The following PAK2 variants were observed in gnomAD, a reference collection of about 807,000 sequenced individuals.
PAK2 encodes the protein p21 (RAC1) activated kinase 2.
PAK2 carries 21 observed loss-of-function variants against 65.9 expected under a neutral mutation model. The ratio of observed to expected loss-of-function variants is 0.32; its 90% CI spans 0.23 to 0.46. PAK2 has a LOEUF of 0.46. PAK2 is among the 20% of genes least tolerant of loss of function. The probability of loss-of-function intolerance (pLI) is 1.00; values close to 1 mark genes in which losing one functional copy is unlikely to be tolerated. For synonymous variants in PAK2, 204 were observed against 219.7 expected (o/e 0.93, Z 0.63); for missense variants, 324 against 642.6 (o/e 0.50, Z 5.36).
chr3:196,773,230 G>T (rs948792334), intron 1 of PAK2, among the ~76,000 whole-genome samples: 47 of 152,190 alleles, frequency 3.1e-4, no homozygotes, highest in African/African-American at 1.1e-3. Context: ...TGTTTGAACA[G>T]ATTTAGAGAG....
At chr3:196,815,883 C>G (rs993635671) in intron 11 of PAK2, among the ~76,000 whole-genome samples, 4 of 152,034 alleles carry the variant, frequency 2.6e-5, no homozygotes, top group Admixed American at 1.3e-4. Context: ...ATCAATAAGT[C>G]TGTGCCTGGC....
At chr3:196,769,647 T>TA (rs142503719) in intron 1 of PAK2, among the ~76,000 whole-genome samples, 71,254 of 147,162 alleles carry the variant, frequency 0.48, 17,505 homozygotes, top group Non-Finnish European at 0.53. Flanking sequence ...CCGTCTCTCC[T>TA]AAAAAAAAAA....
intron 1 of PAK2, among the ~76,000 whole-genome samples, chr3:196,770,842 C>G (rs930565269): frequency 6.6e-6 from 1 of 152,006 alleles, no homozygotes; most frequent in East Asian, 1.9e-4. Flanking sequence ...AGGCTGGTCT[C>G]AAACTCCTGA....
At chr3:196,823,459 C>T (rs1305154129) in intron 13 of PAK2, among the ~76,000 whole-genome samples, 3 of 152,066 alleles carry the variant, frequency 2.0e-5, no homozygotes, top group Admixed American at 2.0e-4. Context: ...CAGCGCCAAG[C>T]TCCTATCAGC....
At chr3:196,756,713 G>A (rs554438543) in intron 1 of PAK2, among the ~76,000 whole-genome samples, 4 of 152,182 alleles carry the variant, frequency 2.6e-5, no homozygotes, top group African/African-American at 9.7e-5. Flanking sequence ...GCACGCGCCT[G>A]TAGTCCCAGC....
rs3042835 is a variant in PAK2 at position 196,820,350 on chromosome 3, C to CTGTTTTGTTT, written c.1154-12_1154-3dup. The CTGTTTTGTTT allele has an allele frequency of 1.3e-6, 2 of 1,493,536 alleles. No homozygotes were observed. The highest frequency in any genetic ancestry group is 2.4e-5 in the East Asian group (1 of 41,632). The allele number at this position is 1,493,536 out of a possible 1,614,324, so 92.5% of individuals were successfully genotyped here. A position where few individuals can be genotyped will look rare whatever the true frequency, so the allele number is the denominator to read the frequency against. ...AAACCATCCATGGAAGCCATTAACT[C>CTGTTTTGTTT]TGTTTTGTTTTGTTTTGTAGCTGAC... On this transcript the variant is annotated intron_variant, in intron 12 of 14. Coordinates refer to ENST00000327134, the MANE Select transcript of PAK2 (RefSeq NM_002577.4). This position sits in a 1 kb window ranked among gnomAD's most constrained non-coding sequence, Gnocchi z 4.6.
At chr3:196,781,784 G>T (rs760552382) in intron 1 of PAK2, among the ~76,000 whole-genome samples, 1 of 151,926 alleles carries the variant, frequency 6.6e-6, no homozygotes, top group Non-Finnish European at 1.5e-5. Context: ...CCTGGGCAAC[G>T]TAGTGAAACC....
intron 2 of PAK2, chr3:196,785,092 T>A (rs1475351745): frequency 1.3e-5 from 2 of 152,268 alleles, no homozygotes; most frequent in Admixed American, 6.5e-5. Flanking sequence ...AGCACTGTTT[T>A]TAATTTTTTA....
chr3:196,793,660 TAC>T (rs769618339), intron 2 of PAK2, among the ~76,000 whole-genome samples: 68 of 152,206 alleles, frequency 4.5e-4, no homozygotes, highest in Non-Finnish European at 3.8e-4. Flanking sequence ...AGCCTGTGCA[TAC>T]ACACATACTG....
chr3:196,780,028 A>G (rs1714657194), intron 1 of PAK2, among the ~76,000 whole-genome samples: 1 of 152,228 alleles, frequency 6.6e-6, no homozygotes, highest in Admixed American at 6.5e-5. Flanking sequence ...TGTAATGCAC[A>G]CTGGTAGTAG....
intron 2 of PAK2, among the ~76,000 whole-genome samples, chr3:196,795,297 AAAAAAAAAG>A (rs1715217702): frequency 6.6e-6 from 1 of 151,698 alleles, no homozygotes; most frequent in Non-Finnish European, 1.5e-5. Context: ...CTCTACAAAA[AAAAAAAAAG>A]AAAAAAAGAA....
chr3:196,800,552 AG>A (rs1715394254), intron 2 of PAK2, among the ~76,000 whole-genome samples: 2 of 152,240 alleles, frequency 1.3e-5, no homozygotes, highest in African/African-American at 4.8e-5. Context: ...CTTTGACAAA[AG>A]AAAAAGAAGA....
rs537725035 is a variant in PAK2 at position 196,819,579 on chromosome 3, A to G, written c.1154-792A>G. ...AACCGTTCATAGATATTATTCATGC[A>G]TATGTACATGCATAACCAACAGTCT... On this transcript the variant is annotated intron_variant, in intron 12 of 14. Coordinates refer to ENST00000327134, the MANE Select transcript of PAK2 (RefSeq NM_002577.4). Among the ~76,000 whole-genome samples, 4 of 152,354 alleles carry G rather than the reference A, an allele frequency of 2.6e-5. No homozygotes were observed. In the East Asian group the frequency reaches 5.8e-4, roughly 22 times the overall value.
At chr3:196,775,540 A>T (rs551537953) in intron 1 of PAK2, among the ~76,000 whole-genome samples, 1 of 151,820 alleles carries the variant, frequency 6.6e-6, no homozygotes, top group Non-Finnish European at 1.5e-5. Flanking sequence ...CCACCACCAC[A>T]ACCGGCTAAT....
At chr3:196,758,187 C>T (rs894082211) in intron 1 of PAK2, among the ~76,000 whole-genome samples, 1 of 152,180 alleles carries the variant, frequency 6.6e-6, no homozygotes. Context: ...TGGGTCCTTG[C>T]CTGTGGAGTT....
intron 13 of PAK2, among the ~76,000 whole-genome samples, chr3:196,825,204 G>A (rs1217852692): frequency 1.3e-5 from 2 of 150,176 alleles, no homozygotes; most frequent in Non-Finnish European, 3.0e-5. Flanking sequence ...AAATTAGTCA[G>A]GCGTAATGGT....
intron 1 of PAK2, among the ~76,000 whole-genome samples, chr3:196,774,455 T>C (rs1159243418): frequency 6.6e-5 from 10 of 152,208 alleles, no homozygotes; most frequent in Non-Finnish European, 1.5e-4. Context: ...AGGGATCTTT[T>C]TGGGCAAGGA....
At chr3:196,812,877 C>G (rs367851256) in intron 10 of PAK2, 26 bp downstream of exon 10, 4 of 977,360 alleles carry the variant, frequency 4.1e-6, no homozygotes, top group Non-Finnish European at 1.6e-6. Context: ...CCTTAAACAC[C>G]GGGAGAAAAT....
At chr3:196,747,109 G>T (rs928380413) in intron 1 of PAK2, 2 of 146,492 alleles carry the variant, frequency 1.4e-5, no homozygotes, top group Non-Finnish European at 1.5e-5. Flanking sequence ...TATTGTATTG[G>T]TTTTTTTTTG....
Sources: allele counts gnomAD v4.1 joint callset (sites outside exome capture counted in the v4.1 genomes callset), GRCh38; gene constraint gnomAD v4.1.1; non-coding constraint Gnocchi (gnomAD v3.1); transcripts MANE v1.5; gene names NCBI Gene and HGNC (gene_info 2026-07-23, HGNC 2026-07-21).